KIF16B: variants seen among roughly 807,000 people sequenced by gnomAD.
The protein encoded by KIF16B is kinesin family member 16B.
KIF16B carries 98 observed loss-of-function variants against 156.3 expected under a neutral mutation model. The observed-to-expected ratio is 0.63, with a 90% CI of 0.53 to 0.74. The LOEUF is 0.74. KIF16B is among the 30% of genes least tolerant of loss of function. The probability of loss-of-function intolerance (pLI) is 0.00; values close to 1 mark genes in which losing one functional copy is unlikely to be tolerated. For synonymous variants in KIF16B, 564 were observed against 583.7 expected, an observed-to-expected ratio of 0.97 and a Z score of 0.49; for missense variants, 1,421 against 1,606.5, an observed-to-expected ratio of 0.88 and a Z score of 1.97.
intron 3 of KIF16B, among the ~76,000 whole-genome samples, chr20:16,517,860 C>G (rs776207519): frequency 6.6e-6 from 1 of 152,120 alleles, no homozygotes; most frequent in Non-Finnish European, 1.5e-5. Context: ...AAAAACTTTT[C>G]AAAGAATAAA....
intron 1 of KIF16B, among the ~76,000 whole-genome samples, chr20:16,568,307 A>C (rs2071334346): frequency 6.6e-6 from 1 of 152,164 alleles, no homozygotes; most frequent in South Asian, 2.1e-4. Context: ...ACATTATACA[A>C]CATAGCTATA....
chr20:16,429,515 T>C (rs2066444300), intron 13 of KIF16B, among the ~76,000 whole-genome samples: 2 of 152,120 alleles, frequency 1.3e-5, no homozygotes. Flanking sequence ...ATTTTATAAT[T>C]GCCACCAGGG....
chr20:16,388,263 A>G (rs1273555801), intron 17 of KIF16B, among the ~76,000 whole-genome samples: 1 of 152,194 alleles, frequency 6.6e-6, no homozygotes, highest in Admixed American at 6.5e-5. Flanking sequence ...ACACTGGATC[A>G]TTTCTGTTAA....
intron 12 of KIF16B, among the ~76,000 whole-genome samples, chr20:16,491,419 G>C (rs6105616): frequency 0.027 from 4,089 of 152,256 alleles, 171 homozygotes; most frequent in African/African-American, 0.093. Flanking sequence ...AGAGAGTGGA[G>C]ACATAGAGTA....
At chr20:16,345,945 A>C (rs1448159714) in intron 23 of KIF16B, among the ~76,000 whole-genome samples, 1 of 152,238 alleles carries the variant, frequency 6.6e-6, no homozygotes, top group African/African-American at 2.4e-5. Context: ...GGGAACGTTC[A>C]CCGGCTTCTC....
intron 15 of KIF16B, among the ~76,000 whole-genome samples, chr20:16,407,659 A>G (rs554966208): frequency 2.6e-5 from 4 of 152,228 alleles, no homozygotes; most frequent in African/African-American, 9.6e-5. Flanking sequence ...TGTCCATCCA[A>G]AGTTCAGGAT....
chr20:16,563,504 C>G (rs1377482538), intron 1 of KIF16B, among the ~76,000 whole-genome samples: 1 of 152,158 alleles, frequency 6.6e-6, no homozygotes, highest in Non-Finnish European at 1.5e-5. Flanking sequence ...CCAGAATCTG[C>G]AAAAACAGCC....
chr20:16,314,900 T>C (rs1320156866), intron 24 of KIF16B, among the ~76,000 whole-genome samples: 1 of 152,038 alleles, frequency 6.6e-6, no homozygotes, highest in Non-Finnish European at 1.5e-5. Context: ...CAAGAAGAGC[T>C]CATCTTCTGG....
At chr20:16,569,693 A>G (rs1019968208) in intron 1 of KIF16B, among the ~76,000 whole-genome samples, 1 of 152,232 alleles carries the variant, frequency 6.6e-6, no homozygotes, top group African/African-American at 2.4e-5. Context: ...AAAAATAAAC[A>G]TTAAAAACAT....
At chr20:16,417,964 A>G (rs1367545214) in intron 15 of KIF16B, among the ~76,000 whole-genome samples, 2 of 151,338 alleles carry the variant, frequency 1.3e-5, no homozygotes, top group East Asian at 2.1e-4. Flanking sequence ...GTGCGGGGGA[A>G]AAAAAAATTA....
At chr20:16,361,015 T>G (rs527639785) in intron 22 of KIF16B, among the ~76,000 whole-genome samples, 1 of 152,210 alleles carries the variant, frequency 6.6e-6, no homozygotes, top group Admixed American at 6.5e-5. Flanking sequence ...ATACACATCA[T>G]GACAAGGTCT....
chr20:16,548,454 A>G (rs1463146493), intron 1 of KIF16B, among the ~76,000 whole-genome samples: 1 of 152,214 alleles, frequency 6.6e-6, no homozygotes, highest in Non-Finnish European at 1.5e-5. Context: ...GCCACACAGG[A>G]GGAGGTCAGC....
chr20:16,479,114 A>G (rs965198940), intron 12 of KIF16B, among the ~76,000 whole-genome samples: 3 of 152,234 alleles, frequency 2.0e-5, no homozygotes, highest in African/African-American at 7.2e-5. Context: ...ACATAAGTAG[A>G]TCTCATAAAC....
At chr20:16,391,670 T>C (rs1183181070) in intron 17 of KIF16B, among the ~76,000 whole-genome samples, 1 of 151,838 alleles carries the variant, frequency 6.6e-6, no homozygotes, top group African/African-American at 2.4e-5. Flanking sequence ...TGCAGGACAA[T>C]GGAAGTACAG....
At chr20:16,470,661 CTTTT>C (rs1247299482) in intron 12 of KIF16B, among the ~76,000 whole-genome samples, 3 of 136,782 alleles carry the variant, frequency 2.2e-5, no homozygotes, top group Non-Finnish European at 3.2e-5. Flanking sequence ...TTCTTTTTTT[CTTTT>C]TTTTTTTTTT....
intron 3 of KIF16B, among the ~76,000 whole-genome samples, chr20:16,520,865 C>T (rs1490851424): frequency 6.6e-6 from 1 of 152,160 alleles, no homozygotes; most frequent in Non-Finnish European, 1.5e-5. Flanking sequence ...CTGCAGCCTC[C>T]GCTGGTGATA....
chr20:16,410,036 C>CAT (rs11471880), intron 15 of KIF16B, among the ~76,000 whole-genome samples: 3,728 of 44,886 alleles, frequency 0.083, 600 homozygotes, highest in East Asian at 0.53. Flanking sequence ...TATGTAGGTA[C>CAT]ATATATATAT....
chr20:16,439,125 T>C (rs1180642558), intron 12 of KIF16B, among the ~76,000 whole-genome samples: 1 of 152,090 alleles, frequency 6.6e-6, no homozygotes, highest in Non-Finnish European at 1.5e-5. Context: ...AGCCTAGAAA[T>C]CACCTTTGAA....
At chr20:16,536,084 G>GT (rs963633986) in intron 1 of KIF16B, among the ~76,000 whole-genome samples, 37 of 152,146 alleles carry the variant, frequency 2.4e-4, no homozygotes, top group African/African-American at 8.9e-4. Context: ...TATTATCAAC[G>GT]TAAGTGTCCA....
Sources: gnomAD v4.1 joint callset for allele counts (sites outside exome capture counted in the v4.1 genomes callset) on GRCh38, gnomAD v4.1.1 for gene constraint, MANE v1.5 for transcripts, NCBI Gene and HGNC (gene_info 2026-07-23, HGNC 2026-07-21) for gene names.